CPQ: variants seen among roughly 807,000 people sequenced by gnomAD.
CPQ encodes Ser-Met dipeptidase.
In CPQ, 37 loss-of-function variants were observed where a neutral mutation model predicts 45.7. The ratio of observed to expected loss-of-function variants is 0.81; its 90% confidence interval spans 0.62 to 1.07. The LOEUF (loss-of-function observed/expected upper bound fraction) is 1.07, where lower values mean the gene tolerates loss of function less well. Among genes scored for constraint, CPQ ranks in the 50% least tolerant of loss-of-function variants. The pLI is 0.00. For missense variants in CPQ, 537 were observed against 572.9 expected (o/e 0.94, Z 0.64); for synonymous variants, 186 against 205.8 (o/e 0.90, Z 0.82).
At chr8:97,014,138 G>A (rs1278308404) in intron 5 of CPQ, among the ~76,000 whole-genome samples, 2 of 152,188 alleles carry the variant, frequency 1.3e-5, no homozygotes, top group Non-Finnish European at 2.9e-5. Context: ...GAGAGGATTG[G>A]TGGAAGCAGT....
chr8:97,017,000 C>T (rs969418093), intron 5 of CPQ, among the ~76,000 whole-genome samples: 1 of 152,086 alleles, frequency 6.6e-6, no homozygotes, highest in African/African-American at 2.4e-5. Flanking sequence ...ATTAGGAAAG[C>T]CAAGAGAACC....
chr8:96,906,656 GCTCACTTT>G (rs1355355029), intron 4 of CPQ, among the ~76,000 whole-genome samples: 1 of 152,126 alleles, frequency 6.6e-6, no homozygotes, highest in African/African-American at 2.4e-5. Context: ...TCTGATGAAG[GCTCACTTT>G]CTCATAGATG....
chr8:97,011,419 C>T (rs1178241323), intron 5 of CPQ, among the ~76,000 whole-genome samples: 1 of 152,172 alleles, frequency 6.6e-6, no homozygotes, highest in Non-Finnish European at 1.5e-5. Flanking sequence ...GGGATAGATA[C>T]AGTAGCATTG....
intron 3 of CPQ, among the ~76,000 whole-genome samples, chr8:96,869,448 G>C (rs1240798460): frequency 1.3e-5 from 2 of 152,050 alleles, no homozygotes; most frequent in African/African-American, 4.8e-5. Flanking sequence ...GTCACACTGG[G>C]CATGGATGTA....
At position 96,808,594 on chromosome 8, in the gene CPQ, G is replaced by T. The variant is rs150224070; in HGVS notation, c.433+23264G>T. On this transcript the variant is annotated intron_variant, in intron 2 of 7. Transcript: ENST00000220763. ...AAAACCCCTCATGTTAAGGCATGTA[G>T]GAGGAAAGGTATCCTCTTATCAATC... Among the ~76,000 whole-genome samples the T allele has an allele frequency of 5.0e-3, 758 of 152,274 alleles. 6 individuals carry two copies. The highest frequency in any genetic ancestry group is 0.041 in the Middle Eastern group (12 of 294).
chr8:96,904,246 C>G (rs1321773712), intron 4 of CPQ, among the ~76,000 whole-genome samples: 1 of 152,030 alleles, frequency 6.6e-6, no homozygotes, highest in Non-Finnish European at 1.5e-5. Context: ...CAGTTTAACC[C>G]GAGTTATGTG....
chr8:96,976,864 A>G (rs1334861407), intron 5 of CPQ, among the ~76,000 whole-genome samples: 1 of 152,200 alleles, frequency 6.6e-6, no homozygotes, highest in Admixed American at 6.5e-5. Flanking sequence ...TGGAACAAAA[A>G]CTTAAATCTA....
chr8:96,846,782 C>T (rs1811697270), intron 3 of CPQ, among the ~76,000 whole-genome samples: 1 of 152,108 alleles, frequency 6.6e-6, no homozygotes, highest in Admixed American at 6.6e-5. Context: ...CAGATTTTCC[C>T]AATTGTTTCC....
At chr8:97,028,161 T>C (rs1375119981) in intron 5 of CPQ, among the ~76,000 whole-genome samples, 3 of 152,268 alleles carry the variant, frequency 2.0e-5, no homozygotes, top group Non-Finnish European at 2.9e-5. Flanking sequence ...TTTTAAGTTA[T>C]GTTAACATGC....
chr8:97,124,477 T>C (rs951802011), intron 7 of CPQ, among the ~76,000 whole-genome samples: 4 of 152,128 alleles, frequency 2.6e-5, no homozygotes, highest in African/African-American at 9.7e-5. Context: ...AGGGTGTACA[T>C]TCTTTTTAAG....
chr8:96,868,481 A>G (rs1337650802), intron 3 of CPQ, among the ~76,000 whole-genome samples: 5 of 152,042 alleles, frequency 3.3e-5, no homozygotes, highest in Non-Finnish European at 1.5e-5. Context: ...GGCGTATTCA[A>G]TAACTCATAT....
intron 1 of CPQ, among the ~76,000 whole-genome samples, chr8:96,729,246 G>C (rs967497392): frequency 6.6e-6 from 1 of 152,142 alleles, no homozygotes; most frequent in East Asian, 1.9e-4. Flanking sequence ...TTAATTCCTT[G>C]TTGGGCATGA....
At chr8:96,791,352 AGCAGAATATATT>A (rs1810843174) in intron 2 of CPQ, among the ~76,000 whole-genome samples, 1 of 152,202 alleles carries the variant, frequency 6.6e-6, no homozygotes, top group African/African-American at 2.4e-5. Context: ...GTACTGTGAC[AGCAGAATATATT>A]GGTTTTTGTG....
chr8:96,699,580 A>G (rs1033286280), intron 1 of CPQ, among the ~76,000 whole-genome samples: 4 of 152,170 alleles, frequency 2.6e-5, no homozygotes, highest in Admixed American at 6.6e-5. Context: ...TGCCTTTATC[A>G]AAATATTTTA....
In CPQ at chr8:97,066,055, C is replaced by A. The variant is rs535633989; in HGVS notation, c.1100C>A (p.Thr367Asn). The A allele has an allele frequency of 1.1e-4, 179 of 1,611,524 alleles. 1 individual carries two copies. The highest frequency in any genetic ancestry group is 1.1e-3 in the South Asian group (98 of 90,664). The change falls in exon 7 of 8, where the codon ACC becomes AAC. Residue 367 changes from threonine to asparagine, a missense_variant. Transcript: ENST00000220763. ...CTGGTGATGGAGTCTGACGCAGGAA[C>A]CTTCTTACCCACTGGGCTGCAATTC... ...YSLVMESDAG[T>N]FLPTGLQFTG... is the part of the protein sequence containing the mutation.
At chr8:96,816,127 C>A (rs568393168) in intron 2 of CPQ, among the ~76,000 whole-genome samples, 6 of 152,152 alleles carry the variant, frequency 3.9e-5, no homozygotes, top group South Asian at 2.1e-4. Context: ...TGTTTGGTAG[C>A]ATTTTTCCCA....
chr8:97,018,916 T>G (rs1809626912), intron 5 of CPQ, among the ~76,000 whole-genome samples: 1 of 152,142 alleles, frequency 6.6e-6, no homozygotes, highest in East Asian at 1.9e-4. Flanking sequence ...GATCACCACC[T>G]AGGCACATTG....
rs939561853 is a variant in CPQ at position 96,801,242 on chromosome 8, G to T, written c.433+15912G>T. On this transcript the variant is annotated intron_variant, in intron 2 of 7. Coordinates refer to ENST00000220763, the MANE Select transcript of CPQ (RefSeq NM_016134.4). ...TCCACCCACCTTGACCTCCCAAAGT[G>T]CTGGGATTAAATGTGTGAGCCACCA... 3.3e-5 allele frequency among the ~76,000 whole-genome samples: 5 copies of T among 152,138 alleles called. No individual in the cohort carries two copies. The South Asian group carries it at 1.0e-3, about 32-fold the overall frequency.
At chr8:96,851,414 C>T (rs913209561) in intron 3 of CPQ, among the ~76,000 whole-genome samples, 1 of 152,172 alleles carries the variant, frequency 6.6e-6, no homozygotes, top group Non-Finnish European at 1.5e-5. Flanking sequence ...CTTTATTTCT[C>T]ACAGTTCTGG....
Sources: gnomAD v4.1 joint callset for allele counts (sites outside exome capture counted in the v4.1 genomes callset) on GRCh38, gnomAD v4.1.1 for gene constraint, MANE v1.5 for transcripts, NCBI Gene and HGNC (gene_info 2026-07-23, HGNC 2026-07-21) for gene names.